The following TANC2 variants were observed in gnomAD, a reference collection of about 807,000 sequenced individuals.
TANC2 encodes tetratricopeptide repeat, ankyrin repeat and coiled-coil containing 2.
In TANC2, 26 loss-of-function variants were observed where a neutral mutation model predicts 210.5. The ratio of observed to expected loss-of-function variants is 0.12; its 90% CI spans 0.09 to 0.17. The LOEUF (loss-of-function observed/expected upper bound fraction) is 0.17. Among genes scored for constraint, TANC2 ranks in the 10% least tolerant of loss-of-function variants. The probability of loss-of-function intolerance (pLI) is 1.00; values close to 1 mark genes in which losing one functional copy is unlikely to be tolerated. For synonymous variants in TANC2, 931 were observed against 967.1 expected, an observed-to-expected ratio of 0.96 and a Z score of 0.69; for missense variants, 2,129 against 2,608.9, an observed-to-expected ratio of 0.82 and a Z score of 4.01.
intron 2 of TANC2, among the ~76,000 whole-genome samples, chr17:63,025,046 A>C (rs1249125067): frequency 1.3e-5 from 2 of 152,210 alleles, no homozygotes; most frequent in South Asian, 2.1e-4. Context: ...CTTGTTTTTC[A>C]TAGAAACATA....
intron 5 of TANC2, among the ~76,000 whole-genome samples, chr17:63,155,715 T>C (rs1047751766): frequency 1.3e-5 from 2 of 152,166 alleles, no homozygotes; most frequent in African/African-American, 2.4e-5. Flanking sequence ...CGGTAGTGTC[T>C]TTCAAAGGAC....
Position 63,412,199 on chromosome 17 carries a change from C to T in TANC2, c.3898+69C>T. 1.9e-6 allele frequency: 3 copies of T among 1,604,884 alleles called. No individual in the cohort carries two copies. The highest frequency in any genetic ancestry group is 2.2e-5 in the East Asian group (1 of 44,758). The stretch of plus-strand genomic sequence containing the variant: ...CAGACTGGTCCAGTGGTCTGGCTGC[C>T]CTGGGTATTTGGTGTGAGTGTATAT... On this transcript the variant is annotated intron_variant, in intron 23 of 27. Transcript: ENST00000689528. This position sits in a 1 kb window ranked among gnomAD's most constrained non-coding sequence, Gnocchi z 4.2.
At chr17:63,332,273 C>A in intron 11 of TANC2, 1 of 326,810 alleles carries the variant, frequency 3.1e-6, no homozygotes. Flanking sequence ...TGACCCCTTC[C>A]ACCTCTCTTC....
At chr17:63,299,534 C>CTTTTTTT (rs201041332) in intron 9 of TANC2, among the ~76,000 whole-genome samples, 2 of 126,554 alleles carry the variant, frequency 1.6e-5, no homozygotes, top group Non-Finnish European at 1.7e-5. Context: ...TGATGTTAAG[C>CTTTTTTT]TTTTTTTTTT....
chr17:63,132,253 C>T (rs900667597), intron 4 of TANC2, among the ~76,000 whole-genome samples: 24 of 148,986 alleles, frequency 1.6e-4, no homozygotes, highest in Admixed American at 6.0e-4. Flanking sequence ...TTTTTTTTTT[C>T]GAATCTTAAA....
chr17:63,207,371 A>G (rs552087178), intron 7 of TANC2, among the ~76,000 whole-genome samples: 1 of 151,392 alleles, frequency 6.6e-6, no homozygotes, highest in East Asian at 1.9e-4. Context: ...ACCCGCCACC[A>G]CGCTTGGCTA....
chr17:63,142,232 G>A (rs1389733353), intron 4 of TANC2, among the ~76,000 whole-genome samples: 3 of 152,200 alleles, frequency 2.0e-5, no homozygotes, highest in African/African-American at 7.2e-5. Context: ...CTGAGACTGG[G>A]CTTTTTTGTG....
chr17:63,257,887 C>T lies in TANC2; in HGVS notation c.1034-9861C>T, dbSNP rs529916550. Reference sequence around the variant, plus strand: ...AGGTTCAACTTTTAGGCTTTCTACTCAAGATATGAGTAGTTTATAAATCAC... The same window carrying T: ...AGGTTCAACTTTTAGGCTTTCTACTTAAGATATGAGTAGTTTATAAATCAC... On this transcript the variant is annotated intron_variant, in intron 8 of 27. Transcript: ENST00000689528. Among the ~76,000 whole-genome samples, 22 of 152,216 alleles carry T rather than the reference C, an allele frequency of 1.4e-4. No homozygotes were observed. In the South Asian group the frequency reaches 4.4e-3, roughly 30 times the overall value.
chr17:62,968,261 CTTAA>C (rs1236645051), intron 1 of TANC2, among the ~76,000 whole-genome samples: 9 of 152,154 alleles, frequency 5.9e-5, no homozygotes, highest in Admixed American at 1.3e-4. Flanking sequence ...TTAGAATGTA[CTTAA>C]TTATTGATGA....
intron 2 of TANC2, among the ~76,000 whole-genome samples, chr17:63,060,450 G>A (rs376188117): frequency 6.6e-6 from 1 of 152,012 alleles, no homozygotes; most frequent in South Asian, 2.1e-4. Context: ...GTGAAACCCC[G>A]TCTATACCAG....
intron 9 of TANC2, among the ~76,000 whole-genome samples, chr17:63,271,134 G>A (rs1194608985): frequency 6.6e-6 from 1 of 152,106 alleles, no homozygotes; most frequent in Non-Finnish European, 1.5e-5. Flanking sequence ...ACATATGTGT[G>A]CATGTGTCTT....
intron 14 of TANC2, among the ~76,000 whole-genome samples, chr17:63,377,971 A>C (rs2047478624): frequency 6.6e-6 from 1 of 152,190 alleles, no homozygotes; most frequent in South Asian, 2.1e-4. Flanking sequence ...TATCATGAGA[A>C]CAGCATGGGG....
At chr17:63,315,474 T>C (rs929285285) in intron 10 of TANC2, among the ~76,000 whole-genome samples, 4 of 152,164 alleles carry the variant, frequency 2.6e-5, no homozygotes, top group African/African-American at 7.2e-5. Context: ...CTGCCTCTCC[T>C]TACTGGTGAA....
intron 2 of TANC2, among the ~76,000 whole-genome samples, chr17:63,016,032 A>T (rs1258110684): frequency 6.6e-6 from 1 of 152,158 alleles, no homozygotes; most frequent in Non-Finnish European, 1.5e-5. Context: ...CAGAAAGATT[A>T]GTATCATAAG....
chr17:62,985,385 A>G (rs972719080), intron 1 of TANC2, among the ~76,000 whole-genome samples: 1 of 151,990 alleles, frequency 6.6e-6, no homozygotes, highest in African/African-American at 2.4e-5. Flanking sequence ...TGGTTCTTTG[A>G]GCCTCCTAGA....
At chr17:63,210,570 A>G (rs1287689711) in intron 7 of TANC2, among the ~76,000 whole-genome samples, 3 of 152,212 alleles carry the variant, frequency 2.0e-5, no homozygotes, top group Non-Finnish European at 2.9e-5. Flanking sequence ...TTAGCATAAT[A>G]TCTAAATTGT....
intron 2 of TANC2, among the ~76,000 whole-genome samples, chr17:63,044,991 G>A (rs372322925): frequency 6.6e-5 from 10 of 152,028 alleles, no homozygotes; most frequent in African/African-American, 2.4e-4. Context: ...GTAGCCCATG[G>A]GCCAAATCCA....
chr17:63,116,698 A>G lies in TANC2; in HGVS notation c.322+17341A>G, dbSNP rs114890007. 2.0e-3 allele frequency among the ~76,000 whole-genome samples: 301 copies of G among 152,340 alleles called. 3 individuals carry two copies. The highest frequency in any genetic ancestry group is 6.8e-3 in the African/African-American group (284 of 41,582). ...GTTGATAGTGCTGCAGTTTTGGCAT[A>G]TCTGATGCATACCATCTGAATGAAA... On this transcript the variant is annotated intron_variant, in intron 4 of 27. Coordinates refer to ENST00000689528, the Ensembl canonical transcript of TANC2.
intron 9 of TANC2, 108 bp from the exon 10 acceptor site, chr17:63,314,280 C>A: frequency 1.6e-6 from 2 of 1,218,482 alleles, no homozygotes; most frequent in Non-Finnish European, 2.3e-6. Context: ...GCCTAGGATG[C>A]CATCATATGA....
Sources: gnomAD v4.1 joint callset for allele counts (sites outside exome capture counted in the v4.1 genomes callset) on GRCh38, gnomAD v4.1.1 for gene constraint, Gnocchi (gnomAD v3.1) non-coding constraint, MANE v1.5 for transcripts, NCBI Gene and HGNC (gene_info 2026-07-23, HGNC 2026-07-21) for gene names.